Variants in PCDHGB6 observed in about 807,000 individuals in gnomAD.
The protein encoded by PCDHGB6 is protocadherin gamma-B6.
Under a neutral mutation model 59.1 loss-of-function variants are expected in PCDHGB6, and 51 were observed. That is an observed-to-expected ratio of 0.86 (90% CI 0.69 to 1.09). The LOEUF is 1.09. PCDHGB6 is among the 50% of genes least tolerant of loss of function. The probability of loss-of-function intolerance (pLI) is 0.00; values close to 1 mark genes in which losing one functional copy is unlikely to be tolerated. For missense variants in PCDHGB6, 1,148 were observed against 1,205.1 expected (o/e 0.95, Z 0.70); for synonymous variants, 466 against 495.1 (o/e 0.94, Z 0.78).
intron 1 of PCDHGB6, chr5:141,422,513 G>A (rs765955739): frequency 6.2e-7 from 1 of 1,614,000 alleles, no homozygotes. Context: ...ACAGACCAGG[G>A]AAGCCCGCCT....
chr5:141,419,939 G>C, intron 1 of PCDHGB6: 6 of 1,614,054 alleles, frequency 3.7e-6, no homozygotes, highest in Admixed American at 1.7e-5. Flanking sequence ...TTACCTGGTG[G>C]TGGCCTTGGC....
rs546603908 is a variant in PCDHGB6, at chr5:141,408,104, C to G, written c.-99C>G. ...ACAGCGGATTGCCAGCTCCGAGACCCGGGACTCCTCCTGTCCTGGGCCGAA... is the reference window on the plus strand; with the variant it reads ...ACAGCGGATTGCCAGCTCCGAGACCGGGGACTCCTCCTGTCCTGGGCCGAA... On this transcript the variant is annotated 5_prime_UTR_variant, in exon 1 of 4. Coordinates refer to ENST00000520790, the MANE Select transcript of PCDHGB6 (RefSeq NM_018926.3). The G allele has an allele frequency of 2.8e-3, 4,048 of 1,441,886 alleles. 13 individuals carry two copies. Among genetic ancestry groups the G allele is most frequent in the Admixed American group, 6.6e-3 (242 of 36,606 alleles). 89.3% of individuals were successfully genotyped at this position (1,441,886 alleles called of 1,614,324 possible). A position where few individuals can be genotyped will look rare whatever the true frequency, so the allele number is the denominator to read the frequency against.
At chr5:141,430,149 C>T (rs1051033560) in intron 1 of PCDHGB6, among the ~76,000 whole-genome samples, 4 of 151,968 alleles carry the variant, frequency 2.6e-5, no homozygotes, top group African/African-American at 9.7e-5. Flanking sequence ...CAGGATCATT[C>T]AAGGAATCTA....
At chr5:141,422,989 C>T (rs777558098) in intron 1 of PCDHGB6, 1 of 1,614,232 alleles carries the variant, frequency 6.2e-7, no homozygotes, top group African/African-American at 1.3e-5. Flanking sequence ...ACCTGGCTAC[C>T]TGGTGACCAA....
At chr5:141,421,474 G>A (rs1320526226) in intron 1 of PCDHGB6, 2 of 1,614,014 alleles carry the variant, frequency 1.2e-6, no homozygotes, top group Non-Finnish European at 1.7e-6. Flanking sequence ...TCCGCGAAGC[G>A]GCAGCTTGAT....
chr5:141,460,950 T>C (rs1458616371), intron 1 of PCDHGB6, among the ~76,000 whole-genome samples: 1 of 135,948 alleles, frequency 7.4e-6, no homozygotes, highest in East Asian at 2.0e-4. Flanking sequence ...ATATGTATTA[T>C]GTATATATAT....
chr5:141,457,495 T>C (rs2098922394), intron 1 of PCDHGB6, among the ~76,000 whole-genome samples: 1 of 152,204 alleles, frequency 6.6e-6, no homozygotes, highest in Admixed American at 6.5e-5. Context: ...GTCTAAAATG[T>C]AGGCAAAAAG....
At chr5:141,494,569 T>G (rs1341706026) in intron 1 of PCDHGB6, among the ~76,000 whole-genome samples, 2 of 152,190 alleles carry the variant, frequency 1.3e-5, no homozygotes, top group Non-Finnish European at 2.9e-5. Flanking sequence ...GAAAGGAGTC[T>G]CAGCTTGCTC....
intron 1 of PCDHGB6, among the ~76,000 whole-genome samples, chr5:141,439,161 C>T (rs1384707803): frequency 6.6e-6 from 1 of 150,850 alleles, no homozygotes; most frequent in Non-Finnish European, 1.5e-5. Flanking sequence ...CCACTGCACT[C>T]CAGCCTGGGC....
chr5:141,434,449 G>C (rs1392115883), intron 1 of PCDHGB6, among the ~76,000 whole-genome samples: 1 of 152,232 alleles, frequency 6.6e-6, no homozygotes, highest in Non-Finnish European at 1.5e-5. Context: ...ATGCTGGAAG[G>C]TAGTGGGTTT....
Position 141,430,721 on chromosome 5 carries a change from T to C in PCDHGB6, c.2418+20101T>C, listed in dbSNP as rs2097305223. The C allele has an allele frequency of 3.4e-6, 5 of 1,489,270 alleles. No homozygotes were observed. The South Asian group carries it at 7.3e-5, about 22-fold the overall frequency. 92.3% of individuals were successfully genotyped at this position (1,489,270 alleles called of 1,614,324 possible). A position where few individuals can be genotyped will look rare whatever the true frequency, so the allele number is the denominator to read the frequency against. On this transcript the variant is annotated intron_variant, in intron 1 of 3. Coordinates refer to ENST00000520790, the MANE Select transcript of PCDHGB6 (RefSeq NM_018926.3). ...AGGAACTGCTCCTGACTTCAGTGGT[T>C]AAGGGCAGAATTGAAAATAATTCTG...
chr5:141,413,081 C>A, intron 1 of PCDHGB6: 2 of 1,339,424 alleles, frequency 1.5e-6, no homozygotes, highest in Non-Finnish European at 2.0e-6. Context: ...GCCCAGGCTA[C>A]AGAGACACCC....
intron 2 of PCDHGB6, among the ~76,000 whole-genome samples, chr5:141,504,179 A>C (rs1247627456): frequency 6.6e-6 from 1 of 152,240 alleles, no homozygotes; most frequent in Non-Finnish European, 1.5e-5. Context: ...AATTCAAAAA[A>C]ATCATGAAAA....
chr5:141,498,865 G>A (rs2099786522), intron 2 of PCDHGB6, among the ~76,000 whole-genome samples: 1 of 151,116 alleles, frequency 6.6e-6, no homozygotes, highest in Non-Finnish European at 1.5e-5. Flanking sequence ...CCCAGGAGGC[G>A]GAGGTTGCAG....
At chr5:141,447,829 T>A (rs2098552664) in intron 1 of PCDHGB6, among the ~76,000 whole-genome samples, 1 of 152,214 alleles carries the variant, frequency 6.6e-6, no homozygotes. Context: ...CTCACGCCTG[T>A]AATCCCAGTG....
At chr5:141,503,517 T>C (rs6878542) in intron 2 of PCDHGB6, among the ~76,000 whole-genome samples, 77,350 of 150,132 alleles carry the variant, frequency 0.52, 20,504 homozygotes, top group African/African-American at 0.63. Flanking sequence ...GAGAATCACT[T>C]GAACCTGGGA....
chr5:141,432,287 G>T lies in PCDHGB6; in HGVS notation c.2418+21667G>T. 1 of 1,614,216 alleles carries T rather than the reference G, an allele frequency of 6.2e-7. No individual in the cohort carries two copies. The highest frequency in any genetic ancestry group is 8.5e-7 in the Non-Finnish European group (1 of 1,180,030). On this transcript the variant is annotated intron_variant, in intron 1 of 3. Coordinates refer to ENST00000520790, the MANE Select transcript of PCDHGB6 (RefSeq NM_018926.3). This position sits in a 1 kb window ranked among gnomAD's most constrained non-coding sequence, Gnocchi z 6.0. ...ATCGTCCTACGTGTCCATCAACTCC[G>T]ACACTGGGGTACTGTATGCGCTGAG...
At chr5:141,410,849 C>CTTTTTTTTTTTTTTTTTTTCTT (rs2095436178) in intron 1 of PCDHGB6, 1 of 129,786 alleles carries the variant, frequency 7.7e-6, no homozygotes, top group Non-Finnish European at 1.3e-5. Context: ...TTGTCTTTGT[C>CTTTTTTTTTTTTTTTTTTTCTT]TTTTTTTTTT....
intron 2 of PCDHGB6, among the ~76,000 whole-genome samples, chr5:141,500,894 C>CAG (rs10656935): frequency 0.58 from 88,074 of 150,994 alleles, 27,125 homozygotes; most frequent in African/African-American, 0.78. Flanking sequence ...TTTTTTGAGA[C>CAG]AGTCTCGCTC....
Sources: allele counts gnomAD v4.1 joint callset (sites outside exome capture counted in the v4.1 genomes callset), GRCh38; gene constraint gnomAD v4.1.1; non-coding constraint Gnocchi (gnomAD v3.1); transcripts MANE v1.5; gene names NCBI Gene and HGNC (gene_info 2026-07-23, HGNC 2026-07-21).